The following MARK3 variants were observed in gnomAD, a reference collection of about 807,000 sequenced individuals.
The protein encoded by MARK3 is MAP/microtubule affinity-regulating kinase 3.
In MARK3, 46 loss-of-function variants were observed where a neutral mutation model predicts 90.1. The observed-to-expected ratio is 0.51, with a 90% CI of 0.40 to 0.65. The LOEUF (loss-of-function observed/expected upper bound fraction) is 0.65. Ranked by LOEUF, MARK3 falls within the 30% of genes least tolerant of loss-of-function variation. The pLI, the probability that MARK3 is intolerant of heterozygous loss-of-function variation, is 0.00. For synonymous variants in MARK3, 321 were observed against 332.6 expected (o/e 0.97, Z 0.38); for missense variants, 818 against 947.2 (o/e 0.86, Z 1.79).
chr14:103,450,096 C>T (rs1446930288), intron 4 of MARK3, among the ~76,000 whole-genome samples: 1 of 152,084 alleles, frequency 6.6e-6, no homozygotes, highest in Non-Finnish European at 1.5e-5. Context: ...TCATATACTA[C>T]TAAGAGAAAT....
intron 3 of MARK3, among the ~76,000 whole-genome samples, chr14:103,437,894 A>G (rs2092754298): frequency 6.6e-6 from 1 of 152,164 alleles, no homozygotes; most frequent in African/African-American, 2.4e-5. Context: ...AGTGAGTGGT[A>G]CAGCTGGGTT....
intron 2 of MARK3, among the ~76,000 whole-genome samples, chr14:103,417,112 T>G (rs1337430152): frequency 4.6e-5 from 7 of 152,204 alleles, no homozygotes; most frequent in Non-Finnish European, 8.8e-5. Flanking sequence ...CCAGCCACAT[T>G]CAGTTGCCCA....
At chr14:103,397,428 A>T (rs762162343) in intron 1 of MARK3, among the ~76,000 whole-genome samples, 4 of 151,560 alleles carry the variant, frequency 2.6e-5, no homozygotes, top group Non-Finnish European at 4.4e-5. Flanking sequence ...CCAGGTTCAA[A>T]CGATTCTCCT....
chr14:103,484,873 A>G (rs1595897649), intron 14 of MARK3, among the ~76,000 whole-genome samples: 1 of 151,682 alleles, frequency 6.6e-6, no homozygotes, highest in African/African-American at 2.4e-5. Flanking sequence ...GTGAGCCGAG[A>G]TAGCGCCACT....
At chr14:103,444,907 A>C (rs1321718083) in intron 3 of MARK3, among the ~76,000 whole-genome samples, 1 of 152,194 alleles carries the variant, frequency 6.6e-6, no homozygotes, top group African/African-American at 2.4e-5. Flanking sequence ...CTTTCAGTAC[A>C]TTATTCCTAT....
At position 103,503,450 on chromosome 14, in the gene MARK3, C is replaced by T. The variant is rs1381352070; in HGVS notation, c.*223C>T. On this transcript the variant is annotated 3_prime_UTR_variant, in exon 18 of 18. Coordinates refer to ENST00000429436, the MANE Select transcript of MARK3 (RefSeq NM_001128918.3). ...GCGCCCCCTGCCCTACTTCCGTTAC[C>T]CTGAGAGTCGGTGTGTGGCCCCATC... 7 of 552,232 alleles carry T rather than the reference C, an allele frequency of 1.3e-5. No individual in the cohort carries two copies. The highest frequency in any genetic ancestry group is 2.2e-5 in the Non-Finnish European group (7 of 312,702). 34.2% of individuals were successfully genotyped at this position (552,232 alleles called of 1,614,324 possible).
At chr14:103,388,498 C>T (rs1459369723) in intron 1 of MARK3, among the ~76,000 whole-genome samples, 1 of 152,182 alleles carries the variant, frequency 6.6e-6, no homozygotes, top group Non-Finnish European at 1.5e-5. Flanking sequence ...TGGGAGCTCT[C>T]ATTCTGTTGA....
intron 14 of MARK3, among the ~76,000 whole-genome samples, chr14:103,486,744 A>G (rs936354762): frequency 6.6e-6 from 1 of 152,142 alleles, no homozygotes; most frequent in Non-Finnish European, 1.5e-5. Context: ...ATTTGCAAAC[A>G]TCTTACTGAG....
chr14:103,435,577 T>C (rs1209767392), intron 3 of MARK3, among the ~76,000 whole-genome samples: 1 of 150,938 alleles, frequency 6.6e-6, no homozygotes, highest in Admixed American at 6.6e-5. Context: ...CCCGGCTAAT[T>C]TTTTGTATTT....
At chr14:103,410,970 G>A (rs913935980) in intron 2 of MARK3, among the ~76,000 whole-genome samples, 7 of 151,984 alleles carry the variant, frequency 4.6e-5, no homozygotes, top group East Asian at 1.9e-4. Context: ...GATTTGTCCC[G>A]TGACTTAAAA....
chr14:103,398,409 C>G (rs1353451472), intron 1 of MARK3, among the ~76,000 whole-genome samples: 1 of 152,172 alleles, frequency 6.6e-6, no homozygotes, highest in African/African-American at 2.4e-5. Flanking sequence ...TTGTATTTCT[C>G]TCTGATTTTT....
intron 2 of MARK3, among the ~76,000 whole-genome samples, chr14:103,416,326 A>G (rs1013566006): frequency 6.6e-6 from 1 of 152,236 alleles, no homozygotes; most frequent in Non-Finnish European, 1.5e-5. Flanking sequence ...TATTTTTTAG[A>G]AGATGGACAA....
intron 3 of MARK3, among the ~76,000 whole-genome samples, chr14:103,440,277 C>G (rs1345578753): frequency 6.6e-6 from 1 of 152,220 alleles, no homozygotes; most frequent in African/African-American, 2.4e-5. Context: ...GAATTGTCCT[C>G]TGTGTGTCCT....
intron 3 of MARK3, among the ~76,000 whole-genome samples, chr14:103,432,703 TA>T (rs1159832140): frequency 5.3e-5 from 8 of 151,770 alleles, no homozygotes; most frequent in Admixed American, 5.3e-4. Context: ...AAAAATTAAA[TA>T]AATTAACCAG....
chr14:103,418,448 G>A (rs888851762), intron 2 of MARK3, among the ~76,000 whole-genome samples: 1 of 151,984 alleles, frequency 6.6e-6, no homozygotes, highest in African/African-American at 2.4e-5. Context: ...CTTTCCTATT[G>A]GGAGTTGTCT....
At chr14:103,476,834 T>G (rs2093723335) in intron 13 of MARK3, among the ~76,000 whole-genome samples, 1 of 152,194 alleles carries the variant, frequency 6.6e-6, no homozygotes, top group Non-Finnish European at 1.5e-5. Flanking sequence ...TTAGTCGAAG[T>G]AAACCCTGTG....
chr14:103,501,809 AGTATC>A (rs1291940888), intron 17 of MARK3, among the ~76,000 whole-genome samples: 1 of 152,182 alleles, frequency 6.6e-6, no homozygotes, highest in East Asian at 1.9e-4. Flanking sequence ...TAACCCATTT[AGTATC>A]TAACGTGGCA....
In MARK3 at chr14:103,386,035, C is replaced by A. The variant is rs201760617; in HGVS notation, c.6C>A (p.Ser2=). The A allele has an allele frequency of 1.2e-6, 2 of 1,613,892 alleles. No homozygotes were observed. The highest frequency in any genetic ancestry group is 3.3e-5 in the Admixed American group (2 of 60,024). ...CAGAATTAAAGTGCAGTAAAATGTC[C>A]ACTAGGACCCCATTGCCAACGGTGA... M[S]TRTPLPTVNE... is the part of the protein sequence containing the mutation. Residue 2 remains serine (S), a synonymous_variant, in exon 1 of 18, where the codon TCC becomes TCA. Coordinates refer to ENST00000429436, the MANE Select transcript of MARK3 (RefSeq NM_001128918.3).
chr14:103,462,975 T>G (rs748148411), intron 7 of MARK3, among the ~76,000 whole-genome samples: 3 of 152,130 alleles, frequency 2.0e-5, no homozygotes, highest in South Asian at 4.2e-4. Flanking sequence ...CATCCATCAC[T>G]TCTTTCCTCC....
Sources: gnomAD v4.1 joint callset for allele counts (sites outside exome capture counted in the v4.1 genomes callset) on GRCh38, gnomAD v4.1.1 for gene constraint, MANE v1.5 for transcripts, NCBI Gene and HGNC (gene_info 2026-07-23, HGNC 2026-07-21) for gene names.